The following IMMP2L variants were observed in gnomAD, a reference collection of about 807,000 sequenced individuals.
IMMP2L encodes the protein mitochondrial inner membrane protease subunit 2.
IMMP2L carries 18 observed loss-of-function variants against 19.3 expected under a neutral mutation model. The ratio of observed to expected loss-of-function variants is 0.93; its 90% confidence interval spans 0.64 to 1.38. The LOEUF is 1.38. IMMP2L is among the 40% of genes most tolerant of loss of function. IMMP2L has a pLI of 0.00. For missense variants in IMMP2L, 233 were observed against 218.2 expected, an observed-to-expected ratio of 1.07 and a Z score of -0.43; for synonymous variants, 76 against 73.0, an observed-to-expected ratio of 1.04 and a Z score of -0.21.
At chr7:111,469,076 G>C (rs922746947) in intron 3 of IMMP2L, among the ~76,000 whole-genome samples, 1 of 151,954 alleles carries the variant, frequency 6.6e-6, no homozygotes, top group African/African-American at 2.4e-5. Flanking sequence ...AGAGAAGAGG[G>C]CCATTTCTGA....
At chr7:110,852,137 G>C (rs1488012227) in intron 5 of IMMP2L, among the ~76,000 whole-genome samples, 1 of 152,028 alleles carries the variant, frequency 6.6e-6, no homozygotes, top group Non-Finnish European at 1.5e-5. Flanking sequence ...TGAAGGGTCT[G>C]AGATTTTATC....
chr7:111,403,515 G>A (rs1324162570), intron 3 of IMMP2L, among the ~76,000 whole-genome samples: 1 of 151,934 alleles, frequency 6.6e-6, no homozygotes, highest in African/African-American at 2.4e-5. Flanking sequence ...AATCACACCT[G>A]CAATGTTGGT....
At chr7:111,528,889 A>C (rs1480265019) in intron 1 of IMMP2L, among the ~76,000 whole-genome samples, 1 of 152,206 alleles carries the variant, frequency 6.6e-6, no homozygotes, top group Non-Finnish European at 1.5e-5. Context: ...CCATCAAACT[A>C]TGAATATCAG....
At position 111,044,606 on chromosome 7, in the gene IMMP2L, G is replaced by T. The variant is rs180792195; in HGVS notation, c.240-81041C>A. 3.3e-5 allele frequency among the ~76,000 whole-genome samples: 5 copies of T among 152,130 alleles called. 1 individual carries two copies. Among genetic ancestry groups the T allele is most frequent in the African/African-American group, 1.2e-4 (5 of 41,514 alleles). On this transcript the variant is annotated intron_variant, in intron 3 of 5. Transcript: ENST00000405709. ...TAAAATTGTACACACTATAATTCTGGATATCTTTATGAACAAATCAGATAA... is the reference window on the plus strand; with the variant it reads ...TAAAATTGTACACACTATAATTCTGTATATCTTTATGAACAAATCAGATAA...
At chr7:111,100,354 A>C (rs1457145213) in intron 3 of IMMP2L, among the ~76,000 whole-genome samples, 1 of 150,200 alleles carries the variant, frequency 6.7e-6, no homozygotes, top group Non-Finnish European at 1.5e-5. Context: ...CTCTTTCTAC[A>C]GTTTTAAACT....
chr7:111,074,335 T>G (rs1232076414), intron 3 of IMMP2L, among the ~76,000 whole-genome samples: 1 of 152,266 alleles, frequency 6.6e-6, no homozygotes, highest in African/African-American at 2.4e-5. Context: ...TGAGAGAATT[T>G]ATAGAATACT....
chr7:110,985,798 G>T (rs967223064), intron 3 of IMMP2L, among the ~76,000 whole-genome samples: 8 of 152,032 alleles, frequency 5.3e-5, no homozygotes, highest in Admixed American at 2.0e-4. Flanking sequence ...TCCATTGACA[G>T]AAATTGAATG....
intron 3 of IMMP2L, among the ~76,000 whole-genome samples, chr7:111,202,522 G>C (rs928656990): frequency 1.3e-5 from 2 of 152,106 alleles, no homozygotes; most frequent in African/African-American, 4.8e-5. Context: ...AGTTTCACTC[G>C]TGAACCCAGC....
chr7:111,022,341 G>GCC (rs1235354148), intron 3 of IMMP2L, among the ~76,000 whole-genome samples: 2 of 152,112 alleles, frequency 1.3e-5, no homozygotes, highest in Non-Finnish European at 2.9e-5. Context: ...AGAACGAAGT[G>GCC]CCCCCATCAA....
chr7:111,556,065 T>C (rs1008441959), intron 1 of IMMP2L, among the ~76,000 whole-genome samples: 2 of 111,138 alleles, frequency 1.8e-5, no homozygotes, highest in African/African-American at 3.1e-5. Context: ...AACCGCAACC[T>C]TGTAAAGATA....
chr7:111,144,333 C>A (rs1280863461), intron 3 of IMMP2L, among the ~76,000 whole-genome samples: 2 of 152,104 alleles, frequency 1.3e-5, no homozygotes, highest in Non-Finnish European at 2.9e-5. Flanking sequence ...GTCGTAAATT[C>A]TAGGAACATA....
intron 5 of IMMP2L, among the ~76,000 whole-genome samples, chr7:110,706,796 G>A (rs1256549890): frequency 2.0e-5 from 3 of 151,954 alleles, no homozygotes; most frequent in Admixed American, 2.0e-4. Context: ...TCTGTAGGTT[G>A]CCTGCTTACT....
chr7:111,172,842 C>A (rs934348093), intron 3 of IMMP2L, among the ~76,000 whole-genome samples: 1 of 151,574 alleles, frequency 6.6e-6, no homozygotes, highest in Non-Finnish European at 1.5e-5. Context: ...TATTAAAAGG[C>A]AACCTACCAT....
intron 3 of IMMP2L, among the ~76,000 whole-genome samples, chr7:111,267,537 A>G (rs116877244): frequency 6.6e-6 from 1 of 152,210 alleles, no homozygotes; most frequent in African/African-American, 2.4e-5. Context: ...CTCAAAGGAA[A>G]CAGTGACTCC....
At chr7:111,282,358 T>C (rs971414755) in intron 3 of IMMP2L, among the ~76,000 whole-genome samples, 5 of 152,186 alleles carry the variant, frequency 3.3e-5, no homozygotes, top group African/African-American at 1.2e-4. Context: ...GGGAAGAGTA[T>C]GGTATTTGAA....
Position 111,261,263 on chromosome 7 carries a change from C to T in IMMP2L, c.239+225975G>A, listed in dbSNP as rs767147791. On this transcript the variant is annotated intron_variant, in intron 3 of 5. Transcript: ENST00000405709. ...TGAGGTAAATGAACCTCATAATATT[C>T]CCCGTATATTCACCAACACCTCCCC... 1.1e-4 allele frequency among the ~76,000 whole-genome samples: 16 copies of T among 152,194 alleles called. 1 individual carries two copies. The highest frequency in any genetic ancestry group is 1.0e-3 in the South Asian group (5 of 4,828).
intron 3 of IMMP2L, among the ~76,000 whole-genome samples, chr7:111,205,125 A>T (rs938291296): frequency 6.6e-6 from 1 of 152,152 alleles, no homozygotes; most frequent in Non-Finnish European, 1.5e-5. Context: ...AAGGGACAAC[A>T]CTGTGTCTTC....
chr7:110,989,091 C>T (rs550323985), intron 3 of IMMP2L, among the ~76,000 whole-genome samples: 8 of 152,150 alleles, frequency 5.3e-5, no homozygotes, highest in South Asian at 2.1e-4. Flanking sequence ...CAAAATTAGC[C>T]GGGTGTCGTG....
chr7:111,208,891 T>C (rs905486365), intron 3 of IMMP2L, among the ~76,000 whole-genome samples: 9 of 152,168 alleles, frequency 5.9e-5, no homozygotes, highest in African/African-American at 1.9e-4. Context: ...TAAAATTAGC[T>C]ATCTCAAAGA....
Sources: gnomAD v4.1 joint callset for allele counts (sites outside exome capture counted in the v4.1 genomes callset) on GRCh38, gnomAD v4.1.1 for gene constraint, MANE v1.5 for transcripts, NCBI Gene and HGNC (gene_info 2026-07-23, HGNC 2026-07-21) for gene names.